The following RET variants were observed in gnomAD, a reference collection of about 807,000 sequenced individuals.
The protein encoded by RET is proto-oncogene tyrosine-protein kinase receptor Ret.
A neutral mutation model predicts 118.3 loss-of-function variants in RET; 19 were observed. The observed-to-expected ratio is 0.16, with a 90% confidence interval of 0.11 to 0.24. The LOEUF is 0.24. RET is among the 10% of genes least tolerant of loss of function. The pLI, the probability that RET is intolerant of heterozygous loss-of-function variation, is 1.00. For missense variants in RET, 1,219 were observed against 1,502.1 expected, an observed-to-expected ratio of 0.81 and a Z score of 3.12; for synonymous variants, 597 against 644.1, an observed-to-expected ratio of 0.93 and a Z score of 1.11.
chr10:43,114,567 G>T lies in RET; in HGVS notation c.1967G>T (p.Cys656Phe). Residue 656 changes from cysteine to phenylalanine, a missense_variant, in exon 11 of 20, where the codon TGC becomes TTC. Physicochemically the swap from Cys to Phe is radical, Grantham distance 205. This residue lies in a region of RET where 850 missense variants were observed against 969.6 expected (regional missense o/e 0.88). Coordinates refer to ENST00000355710, the MANE Select transcript of RET (RefSeq NM_020975.6). This position sits in a 1 kb window ranked among gnomAD's most constrained non-coding sequence, Gnocchi z 4.6. Reference protein sequence around the residue: ...FIVSVLLSAFCIHCYHKFAHK... With the variant: ...FIVSVLLSAFFIHCYHKFAHK... ...GTCTCGGTGCTGCTGTCTGCCTTCT[G>T]CATCCACTGCTACCACAAGTTTGCC... is the stretch of plus-strand genomic sequence containing the variant. 6.2e-7 allele frequency: 1 copy of T among 1,611,958 alleles called. No individual in the cohort carries two copies.
rs1588871361 is a variant in RET at position 43,111,399 on chromosome 10, G to C, written c.1456G>C (p.Val486Leu). The change falls in exon 7 of 20, where the codon GTG becomes CTG. Residue 486 changes from valine (V) to leucine (L), a missense_variant. Val to Leu is a conservative substitution (Grantham distance 32). This residue lies in a region of RET where 850 missense variants were observed against 969.6 expected (regional missense o/e 0.88). Coordinates refer to ENST00000355710, the MANE Select transcript of RET (RefSeq NM_020975.6). ...GTGTGCCGAACTTCACTACATGGTG[G>C]TGGCCACCGACCAGCAGACCTCTAG... is the stretch of plus-strand genomic sequence containing the variant. ...PKCAELHYMV[V>L]ATDQQTSRQA... The C allele has an allele frequency of 6.2e-7, 1 of 1,614,016 alleles. No individual in the cohort carries two copies. The highest frequency in any genetic ancestry group is 2.2e-5 in the East Asian group (1 of 44,880).
At chr10:43,087,951 T>TTGGTGA (rs1270607789) in intron 1 of RET, among the ~76,000 whole-genome samples, 1 of 151,924 alleles carries the variant, frequency 6.6e-6, no homozygotes, top group African/African-American at 2.4e-5. Flanking sequence ...AGTGGTGGTA[T>TTGGTGA]TGGTGATGGT....
chr10:43,124,533 C>T (rs1838289148), intron 17 of RET, among the ~76,000 whole-genome samples: 1 of 152,230 alleles, frequency 6.6e-6, no homozygotes, highest in Non-Finnish European at 1.5e-5. Flanking sequence ...TAAGGACTGG[C>T]ACTTCTCACT....
At chr10:43,126,527 C>T (rs778067755) in intron 18 of RET, 48 bp from the exon 19 acceptor site, 6 of 1,516,310 alleles carry the variant, frequency 4.0e-6, no homozygotes, top group African/African-American at 2.7e-5. Context: ...TGAGTTGTAT[C>T]TAGTTGTGGC....
Position 43,106,556 on chromosome 10 carries a change from A to T in RET, c.1048A>T (p.Thr350Ser). 6.2e-7 allele frequency: 1 copy of T among 1,613,470 alleles called. No homozygotes were observed. The highest frequency in any genetic ancestry group is 8.5e-7 in the Non-Finnish European group (1 of 1,179,704). ...GGCCAACGGCAGCTTCGTGCGGGCGACCGTACATGACTATAGTAAGAGGGG... is the reference window on the plus strand; with the variant it reads ...GGCCAACGGCAGCTTCGTGCGGGCGTCCGTACATGACTATAGTAAGAGGGG... ...VQANGSFVRATVHDYRLVLNR... is the reference protein window; with the variant it reads ...VQANGSFVRASVHDYRLVLNR... The change falls in exon 5 of 20, where the codon ACC (threonine) becomes TCC (serine). Residue 350 changes from threonine (T) to serine (S), a missense_variant. By Grantham distance (58) the Thr-to-Ser change is moderately conservative. Around this residue, in one of 5 missense-constraint regions of RET, gnomAD observed 850 missense variants for 969.6 expected, o/e 0.88. Coordinates refer to ENST00000355710, the MANE Select transcript of RET (RefSeq NM_020975.6). This position sits in a 1 kb window ranked among gnomAD's most constrained non-coding sequence, Gnocchi z 5.1.
At chr10:43,121,861 AG>A (rs1428706347) in intron 15 of RET, 84 bp from the exon 16 acceptor site, 4 of 1,004,674 alleles carry the variant, frequency 4.0e-6, no homozygotes, top group Non-Finnish European at 6.4e-6. Context: ...CTGAAAGCTC[AG>A]GGATAGGGCC....
chr10:43,098,611 G>A lies in RET; in HGVS notation c.74-1848G>A, dbSNP rs139570228. On this transcript the variant is annotated intron_variant, in intron 1 of 19. Coordinates refer to ENST00000355710, the MANE Select transcript of RET (RefSeq NM_020975.6). ...TAATTTTTGTATTTTTAGTAGAGAC[G>A]GGGTTTCACCATGTTGGCTAGGCTG... 7.4e-4 allele frequency among the ~76,000 whole-genome samples: 112 copies of A among 152,150 alleles called. 1 individual carries two copies. In the South Asian group the frequency reaches 7.5e-3, roughly 10 times the overall value.
chr10:43,089,362 C>G (rs1837362278), intron 1 of RET, among the ~76,000 whole-genome samples: 1 of 152,218 alleles, frequency 6.6e-6, no homozygotes, highest in South Asian at 2.1e-4. Context: ...TGCCTGTTTT[C>G]TTGGCCAGCA....
chr10:43,116,705 C>T lies in RET; in HGVS notation c.2258C>T (p.Thr753Ile), dbSNP rs749755131. 6.2e-7 allele frequency: 1 copy of T among 1,614,044 alleles called. No homozygotes were observed. Among genetic ancestry groups the T allele is most frequent in the East Asian group, 2.2e-5 (1 of 44,840 alleles). ...AFHLKGRAGY[T>I]TVAVKMLKEN... Reference sequence around the variant, plus strand: ...CATCTGAAAGGCAGAGCAGGGTACACCACGGTGGCCGTGAAGATGCTGAAA... The same window carrying T: ...CATCTGAAAGGCAGAGCAGGGTACATCACGGTGGCCGTGAAGATGCTGAAA... The change falls in exon 12 of 20, where the codon ACC (threonine) becomes ATC (isoleucine). Residue 753 changes from threonine (T) to isoleucine (I), a missense_variant. By Grantham distance (89) the Thr-to-Ile change is moderately conservative. Transcript: ENST00000355710.
At position 43,077,320 on chromosome 10, in the gene RET, T is replaced by G. The variant is rs1461009997; in HGVS notation, c.62T>G (p.Leu21Arg). 2.0e-6 allele frequency: 3 copies of G among 1,511,452 alleles called. No homozygotes were observed. Among genetic ancestry groups the G allele is most frequent in the South Asian group, 2.5e-5 (2 of 81,412 alleles). 93.6% of individuals were successfully genotyped at this position (1,511,452 alleles called of 1,614,324 possible). The change falls in exon 1 of 20, where the codon CTG (leucine) becomes CGG (arginine). Residue 21 changes from leucine to arginine, a missense_variant. Physicochemically the swap from Leu to Arg is moderately radical, Grantham distance 102 (BLOSUM62 -2). Transcript: ENST00000355710. ...CTGCTGTTGCTGCTGCTGCTGCCGC[T>G]GCTAGGCAAAGGTGAGTTCTGCCGG... Reference protein sequence around the residue: ...LRLLLLLLLPLLGKVALGLYF... With the variant: ...LRLLLLLLLPRLGKVALGLYF...
chr10:43,123,871 C>T, intron 17 of RET, 63 bp downstream of exon 17: 3 of 1,610,096 alleles, frequency 1.9e-6, no homozygotes, highest in East Asian at 2.2e-5. Flanking sequence ...TGTGTGCATT[C>T]CCTCCCCATC....
rs36075879 is a variant in RET, at chr10:43,098,421, CT to C, written c.74-2019del. 7.7e-3 allele frequency among the ~76,000 whole-genome samples: 999 copies of C among 129,736 alleles called. 11 individuals carry two copies. The highest frequency in any genetic ancestry group is 0.023 in the African/African-American group (786 of 34,566). 85.1% of individuals were successfully genotyped at this position (129,736 alleles called of 152,430 possible). ...TATAGCCTGTGTCAGGATTTTCCTCCTTTTTTTTTTTTTTTTTTTGAGACAG... is the reference window on the plus strand; with the variant it reads ...TATAGCCTGTGTCAGGATTTTCCTCCTTTTTTTTTTTTTTTTTTGAGACAG... On this transcript the variant is annotated intron_variant, in intron 1 of 19. Coordinates refer to ENST00000355710, the MANE Select transcript of RET (RefSeq NM_020975.6).
intron 1 of RET, among the ~76,000 whole-genome samples, chr10:43,090,505 TCCA>T (rs1195467970): frequency 1.1e-4 from 17 of 152,112 alleles, no homozygotes; most frequent in Non-Finnish European, 2.2e-4. Flanking sequence ...GGCTGTGTGC[TCCA>T]TGCTAAGCCT....
chr10:43,111,711 C>A (rs1416170330), intron 7 of RET, among the ~76,000 whole-genome samples: 1 of 152,206 alleles, frequency 6.6e-6, no homozygotes, highest in Non-Finnish European at 1.5e-5. Context: ...GTGTTCCATG[C>A]AACTTTTGCA....
rs2133034399 is a variant in RET, at chr10:43,126,624, A to G, written c.3089A>G (p.Asp1030Gly). ...ACTCCATCTGACTCCCTGATTTATG[A>G]CGACGGCCTCTCAGAGGAGGAGACA... is the stretch of plus-strand genomic sequence containing the variant. ...ASTPSDSLIY[D>G]DGLSEEETPL... The change falls in exon 19 of 20, where the codon GAC becomes GGC. Residue 1030 changes from aspartate to glycine, a missense_variant. Coordinates refer to ENST00000355710, the MANE Select transcript of RET (RefSeq NM_020975.6). 1 of 1,614,110 alleles carries G rather than the reference A, an allele frequency of 6.2e-7. No homozygotes were observed. Among genetic ancestry groups the G allele is most frequent in the Middle Eastern group, 1.6e-4 (1 of 6,062 alleles).
rs543376293 is a variant in RET, at chr10:43,112,194, A to G, written c.1618A>G (p.Arg540Gly). Residue 540 changes from arginine to glycine, a missense_variant, in exon 8 of 20, where the codon AGG becomes GGG. This residue lies in a region of RET where 850 missense variants were observed against 969.6 expected (regional missense o/e 0.88). Transcript: ENST00000355710. ...ECGGLGSPTG[R>G]CEWRQGDGKG... ...TGGCGGCCTGGGCTCCCCAACAGGC[A>G]GGTGTGAGTGGAGGCAAGGAGATGG... 27 of 1,561,636 alleles carry G rather than the reference A, an allele frequency of 1.7e-5. No individual in the cohort carries two copies. The East Asian group carries it at 5.7e-4, about 33-fold the overall frequency.
intron 5 of RET, among the ~76,000 whole-genome samples, chr10:43,107,111 C>T (rs1588867773): frequency 6.6e-6 from 1 of 152,228 alleles, no homozygotes; most frequent in East Asian, 1.9e-4. Flanking sequence ...CTGCCTCCCT[C>T]CGCCACCTCC....
intron 5 of RET, 80 bp from the exon 6 acceptor site, chr10:43,108,951 C>T: frequency 7.3e-7 from 1 of 1,364,408 alleles, no homozygotes; most frequent in Non-Finnish European, 1.0e-6. Flanking sequence ...GAGTGCAGGG[C>T]TGTGTCTGGG....
chr10:43,108,312 C>G (rs1485985638), intron 5 of RET, among the ~76,000 whole-genome samples: 1 of 152,156 alleles, frequency 6.6e-6, no homozygotes, highest in Non-Finnish European at 1.5e-5. Context: ...TGCAACAGAG[C>G]AAGACTCTGT....
Sources: allele counts gnomAD v4.1 joint callset (sites outside exome capture counted in the v4.1 genomes callset), GRCh38; gene constraint gnomAD v4.1.1; regional missense constraint gnomAD v4.1.1; non-coding constraint Gnocchi (gnomAD v3.1); transcripts MANE v1.5; gene names NCBI Gene and HGNC (gene_info 2026-07-23, HGNC 2026-07-21).